The following SMARCC1 variants were observed in gnomAD, a reference collection of about 807,000 sequenced individuals.
SMARCC1 encodes SWI/SNF related BAF chromatin remodeling complex subunit C1.
Under a neutral mutation model 147.4 loss-of-function variants are expected in SMARCC1, and 43 were observed. That is an observed-to-expected ratio of 0.29 (90% CI 0.23 to 0.38). The LOEUF is 0.38. Ranked by LOEUF, SMARCC1 falls within the 10% of genes least tolerant of loss-of-function variation. The pLI is 1.00. For missense variants in SMARCC1, 1,119 were observed against 1,381.1 expected, an observed-to-expected ratio of 0.81 and a Z score of 3.01; for synonymous variants, 495 against 484.4, an observed-to-expected ratio of 1.02 and a Z score of -0.29.
At chr3:47,664,450 C>A (rs148198919) in intron 19 of SMARCC1, among the ~76,000 whole-genome samples, 1 of 152,140 alleles carries the variant, frequency 6.6e-6, no homozygotes, top group East Asian at 1.9e-4. Context: ...TAAACTGATT[C>A]TAAAATTTAT....
intron 26 of SMARCC1, chr3:47,604,185 T>G: frequency 2.2e-6 from 1 of 456,748 alleles, no homozygotes; most frequent in East Asian, 6.9e-5. Flanking sequence ...AATACCAAGC[T>G]GCTACTTTAA....
intron 2 of SMARCC1, among the ~76,000 whole-genome samples, chr3:47,761,922 C>T (rs1352614873): frequency 6.6e-6 from 1 of 152,124 alleles, no homozygotes; most frequent in East Asian, 1.9e-4. Flanking sequence ...TATTCTCCTG[C>T]CTCAGCCTCC....
At chr3:47,597,058 T>C (rs1576382368) in intron 26 of SMARCC1, among the ~76,000 whole-genome samples, 1 of 148,756 alleles carries the variant, frequency 6.7e-6, no homozygotes, top group African/African-American at 2.5e-5. Flanking sequence ...GCACCTGTAA[T>C]CCCAGCTACT....
chr3:47,681,892 A>T (rs935627942), intron 14 of SMARCC1, among the ~76,000 whole-genome samples: 36 of 152,088 alleles, frequency 2.4e-4, no homozygotes, highest in East Asian at 1.5e-3. Context: ...GCCCACTTTT[A>T]AAAAAAATTC....
intron 7 of SMARCC1, among the ~76,000 whole-genome samples, chr3:47,719,389 A>G (rs6778157): frequency 0.96 from 145,829 of 152,158 alleles, 70,196 homozygotes; most frequent in East Asian, 1. Context: ...GGTTTCGCAT[A>G]AGTAGTTTTT....
chr3:47,622,025 C>T (rs1254221921), intron 25 of SMARCC1, among the ~76,000 whole-genome samples, 182 bp downstream of exon 25: 1 of 152,136 alleles, frequency 6.6e-6, no homozygotes, highest in Non-Finnish European at 1.5e-5. Context: ...AACAGAGTGC[C>T]TTTTATTTAA....
chr3:47,701,852 G>A (rs12494154), intron 10 of SMARCC1, among the ~76,000 whole-genome samples: 1 of 151,554 alleles, frequency 6.6e-6, no homozygotes, highest in Non-Finnish European at 1.5e-5. Context: ...ACATTAAAAA[G>A]AAAAAATTAG....
At chr3:47,598,401 G>T (rs1466799881) in intron 26 of SMARCC1, among the ~76,000 whole-genome samples, 1 of 152,150 alleles carries the variant, frequency 6.6e-6, no homozygotes, top group African/African-American at 2.4e-5. Flanking sequence ...ACAGGTACAG[G>T]TTGCTCGCTT....
At chr3:47,717,416 G>A (rs534755299) in intron 7 of SMARCC1, among the ~76,000 whole-genome samples, 1 of 152,292 alleles carries the variant, frequency 6.6e-6, no homozygotes, top group African/African-American at 2.4e-5. Flanking sequence ...GGGAGGTCAT[G>A]AAGACAGAGG....
intron 6 of SMARCC1, among the ~76,000 whole-genome samples, chr3:47,721,619 A>C (rs1254220095): frequency 3.9e-5 from 6 of 152,210 alleles, no homozygotes; most frequent in Non-Finnish European, 5.9e-5. Context: ...TGCAGATTTT[A>C]ACAAGATATA....
At chr3:47,702,408 G>GT (rs1325136034) in intron 10 of SMARCC1, among the ~76,000 whole-genome samples, 1 of 152,132 alleles carries the variant, frequency 6.6e-6, no homozygotes, top group East Asian at 1.9e-4. Flanking sequence ...TAGAGAGATT[G>GT]TAAGGACTGA....
At chr3:47,700,159 C>A (rs986852764) in intron 11 of SMARCC1, among the ~76,000 whole-genome samples, 2 of 151,618 alleles carry the variant, frequency 1.3e-5, no homozygotes, top group Non-Finnish European at 2.9e-5. Flanking sequence ...CCTGTTATTT[C>A]ATTTCAATAA....
chr3:47,737,079 G>A (rs768483193), intron 4 of SMARCC1, among the ~76,000 whole-genome samples: 1 of 152,136 alleles, frequency 6.6e-6, no homozygotes, highest in Non-Finnish European at 1.5e-5. Flanking sequence ...CAGTAGGATG[G>A]AAGAGTGCTT....
In SMARCC1 at chr3:47,615,560, TG is replaced by T. The variant is rs1237383158; in HGVS notation, c.2782-5234del. Among the ~76,000 whole-genome samples the T allele has an allele frequency of 6.6e-5, 10 of 152,330 alleles. No homozygotes were observed. In the East Asian group the frequency reaches 1.9e-3, roughly 29 times the overall value. The stretch of plus-strand genomic sequence containing the variant: ...CATAGCCCCATCATCTCATAGTATT[TG>T]GTTTCTTTGAGTCAATGTCTCATCC... On this transcript the variant is annotated intron_variant, in intron 25 of 27. Transcript: ENST00000254480.
At chr3:47,702,011 G>A (rs961223504) in intron 10 of SMARCC1, among the ~76,000 whole-genome samples, 1 of 151,906 alleles carries the variant, frequency 6.6e-6, no homozygotes, top group Non-Finnish European at 1.5e-5. Context: ...CAACTGCTAA[G>A]GAAATATGAT....
intron 21 of SMARCC1, among the ~76,000 whole-genome samples, chr3:47,660,190 T>C (rs4858803): frequency 0.59 from 90,182 of 151,738 alleles, 28,072 homozygotes; most frequent in East Asian, 0.72. Flanking sequence ...CTCATGCTTA[T>C]AATCCCAGCA....
chr3:47,722,953 T>A (rs2034250379), intron 6 of SMARCC1, among the ~76,000 whole-genome samples: 1 of 152,116 alleles, frequency 6.6e-6, no homozygotes, highest in Non-Finnish European at 1.5e-5. Flanking sequence ...CAGTTTAAGG[T>A]GGGGATGACT....
At chr3:47,594,139 T>C (rs2032230323) in intron 26 of SMARCC1, among the ~76,000 whole-genome samples, 2 of 146,556 alleles carry the variant, frequency 1.4e-5, no homozygotes, top group South Asian at 2.2e-4. Context: ...CACCCTAGCC[T>C]GGGCAACAAG....
chr3:47,667,060 G>A (rs1456504007), intron 19 of SMARCC1, among the ~76,000 whole-genome samples: 2 of 152,198 alleles, frequency 1.3e-5, no homozygotes, highest in African/African-American at 4.8e-5. Context: ...GCTCACGCCT[G>A]TAATCCCAGC....
Sources: gnomAD v4.1 joint callset for allele counts (sites outside exome capture counted in the v4.1 genomes callset) on GRCh38, gnomAD v4.1.1 for gene constraint, MANE v1.5 for transcripts, NCBI Gene and HGNC (gene_info 2026-07-23, HGNC 2026-07-21) for gene names.